Variants in ARB2A observed in about 807,000 individuals in gnomAD.
ARB2A encodes the protein ARB2 cotranscriptional regulator A.
the ARB2A span, among the ~76,000 whole-genome samples, chr5:94,111,250 G>T: frequency 8.4e-4 from 128 of 152,214 alleles, no homozygotes; most frequent in Non-Finnish European, 1.7e-3. Context: ...CCAGAATCCC[G>T]TACGCCCCGA....
chr5:93,869,906 G>A, the ARB2A span, among the ~76,000 whole-genome samples: 1 of 152,112 alleles, frequency 6.6e-6, no homozygotes, highest in African/African-American at 2.4e-5. Context: ...TTCTCTTTTC[G>A]GGCTCAGCCC....
At chr5:93,951,765 C>G in the ARB2A span, among the ~76,000 whole-genome samples, 2 of 152,074 alleles carry the variant, frequency 1.3e-5, no homozygotes, top group African/African-American at 4.8e-5. Flanking sequence ...GTGGCTCACG[C>G]CTGATGTAAT....
At chr5:94,037,296 A>G in the ARB2A span, among the ~76,000 whole-genome samples, 1 of 152,182 alleles carries the variant, frequency 6.6e-6, no homozygotes. Context: ...AGGAATGGAT[A>G]TTAGACAGAG....
At chr5:93,983,344 A>T in the ARB2A span, among the ~76,000 whole-genome samples, 8 of 152,264 alleles carry the variant, frequency 5.3e-5, no homozygotes, top group Non-Finnish European at 1.0e-4. Context: ...TGTACCAAAA[A>T]TTAAGAAAAT....
At chr5:93,692,006 AC>A in the ARB2A span, among the ~76,000 whole-genome samples, 15 of 152,350 alleles carry the variant, frequency 9.8e-5, no homozygotes, top group Admixed American at 9.8e-4. Context: ...GGCCTACCTT[AC>A]AAGAGCTCCT....
the ARB2A span, among the ~76,000 whole-genome samples, chr5:93,680,422 A>G: frequency 1.3e-5 from 2 of 152,238 alleles, no homozygotes; most frequent in Admixed American, 1.3e-4. Context: ...CAAGATCATA[A>G]TTGCTAGTTA....
the ARB2A span, among the ~76,000 whole-genome samples, chr5:93,677,355 C>A: frequency 6.6e-6 from 1 of 152,148 alleles, no homozygotes; most frequent in Non-Finnish European, 1.5e-5. Flanking sequence ...ATTCTGTCTC[C>A]CTCTGTTAAG....
the ARB2A span, among the ~76,000 whole-genome samples, chr5:93,756,839 C>T: frequency 3.9e-5 from 6 of 152,038 alleles, no homozygotes; most frequent in Admixed American, 3.9e-4. Context: ...CAAAAAATCA[C>T]ACTAGTTCAC....
At chr5:93,672,709 T>C in the ARB2A span, among the ~76,000 whole-genome samples, 1 of 152,222 alleles carries the variant, frequency 6.6e-6, no homozygotes, top group African/African-American at 2.4e-5. Flanking sequence ...CCACAAAATT[T>C]AGTCCAGAAC....
chr5:94,059,306 AT>A, the ARB2A span, among the ~76,000 whole-genome samples: 57 of 152,216 alleles, frequency 3.7e-4, no homozygotes, highest in Middle Eastern at 3.4e-3. Context: ...TCATAATTAC[AT>A]TTCTGAAAAT....
At chr5:93,723,232 G>A in the ARB2A span, among the ~76,000 whole-genome samples, 4 of 152,190 alleles carry the variant, frequency 2.6e-5, no homozygotes, top group African/African-American at 7.2e-5. Flanking sequence ...AGATTAAGCT[G>A]GGGGATAGGA....
the ARB2A span, among the ~76,000 whole-genome samples, chr5:93,812,002 AGAGT>A: frequency 2.0e-5 from 3 of 152,134 alleles, no homozygotes; most frequent in Admixed American, 1.3e-4. Context: ...GAATTCTATG[AGAGT>A]GAGGCAGAAC....
At chr5:94,062,138 C>T in the ARB2A span, among the ~76,000 whole-genome samples, 2 of 152,248 alleles carry the variant, frequency 1.3e-5, no homozygotes, top group South Asian at 2.1e-4. Context: ...TCATGGTTGA[C>T]AGGCACGAAA....
the ARB2A span, among the ~76,000 whole-genome samples, chr5:93,929,339 T>C: frequency 1.3e-5 from 2 of 152,078 alleles, no homozygotes; most frequent in Non-Finnish European, 2.9e-5. Flanking sequence ...GCCAAAACAG[T>C]GTATCTCATA....
the ARB2A span, chr5:93,741,029 T>C: frequency 6.2e-7 from 1 of 1,613,814 alleles, no homozygotes; most frequent in Non-Finnish European, 8.5e-7. Flanking sequence ...GGTCGCAGCT[T>C]CCACATGTTG....
chr5:93,677,519 G>A, the ARB2A span, among the ~76,000 whole-genome samples: 1 of 152,196 alleles, frequency 6.6e-6, no homozygotes, highest in Non-Finnish European at 1.5e-5. Flanking sequence ...AGGGAAGCAC[G>A]GCTGGAATCC....
the ARB2A span, among the ~76,000 whole-genome samples, chr5:93,879,718 A>G: frequency 1.3e-5 from 2 of 152,044 alleles, no homozygotes; most frequent in African/African-American, 4.8e-5. Context: ...CAAAATAGGA[A>G]GAAATAAACT....
At chr5:93,831,299 TAAAA>T in the ARB2A span, among the ~76,000 whole-genome samples, 1 of 136,520 alleles carries the variant, frequency 7.3e-6, no homozygotes, top group African/African-American at 2.7e-5. Flanking sequence ...ACTCCGCTGC[TAAAA>T]AAAAAAAAAA....
the ARB2A span, among the ~76,000 whole-genome samples, chr5:93,645,608 TA>T: frequency 6.6e-6 from 1 of 151,214 alleles, no homozygotes; most frequent in Non-Finnish European, 1.5e-5. Flanking sequence ...GAGAAAATGT[TA>T]AAAATCTAAT....
Sources: gnomAD v4.1 joint callset for allele counts (sites outside exome capture counted in the v4.1 genomes callset) on GRCh38, gnomAD v4.1.1 for gene constraint, MANE v1.5 for transcripts, NCBI Gene and HGNC (gene_info 2026-07-23, HGNC 2026-07-21) for gene names.